SMCHD1: variants seen among roughly 807,000 people sequenced by gnomAD.
The protein encoded by SMCHD1 is structural maintenance of chromosomes flexible hinge domain-containing protein 1.
SMCHD1 carries 78 observed loss-of-function variants against 254.7 expected under a neutral mutation model. The observed-to-expected ratio is 0.31, with a 90% CI of 0.26 to 0.37. The LOEUF is 0.37. Among genes scored for constraint, SMCHD1 ranks in the 10% least tolerant of loss-of-function variants. The probability of loss-of-function intolerance (pLI) is 1.00; values close to 1 mark genes in which losing one functional copy is unlikely to be tolerated. For missense variants in SMCHD1, 1,840 were observed against 2,408.1 expected (o/e 0.76, Z 4.94); for synonymous variants, 766 against 794.9 (o/e 0.96, Z 0.61).
At position 2,709,393 on chromosome 18, in the gene SMCHD1, G is replaced by T. The variant is rs1317700418; in HGVS notation, c.2260+1473G>T. On this transcript the variant is annotated intron_variant, in intron 17 of 47. Transcript: ENST00000320876. ...AATAGTTCTTTGAGTCTCCGCTTTG[G>T]TTCCTTTTAGATACATTCCCAAAAG... 2.0e-5 allele frequency among the ~76,000 whole-genome samples: 3 copies of T among 151,958 alleles called. No homozygotes were observed. The East Asian group carries it at 5.8e-4, about 29-fold the overall frequency.
intron 40 of SMCHD1, 27 bp downstream of exon 40, chr18:2,771,645 A>AC: frequency 7.0e-7 from 1 of 1,426,308 alleles, no homozygotes; most frequent in Non-Finnish European, 9.4e-7. Flanking sequence ...TACGTGAAAG[A>AC]TTTTTTATTA....
At chr18:2,698,680 T>TCC (rs5822718) in intron 10 of SMCHD1, among the ~76,000 whole-genome samples, 1 of 151,204 alleles carries the variant, frequency 6.6e-6, no homozygotes, top group African/African-American at 2.4e-5. Context: ...CACCTTTTTT[T>TCC]CCCCCCCCAG....
intron 5 of SMCHD1, among the ~76,000 whole-genome samples, chr18:2,681,111 T>A (rs796382101): frequency 6.6e-6 from 1 of 151,916 alleles, no homozygotes; most frequent in Middle Eastern, 3.4e-3. Context: ...AAAAATATTT[T>A]AAAAAATTAG....
At chr18:2,671,265 A>C (rs1344519907) in intron 3 of SMCHD1, among the ~76,000 whole-genome samples, 1 of 152,098 alleles carries the variant, frequency 6.6e-6, no homozygotes, top group Admixed American at 6.5e-5. Flanking sequence ...TCCTGGGGAT[A>C]AATTGCTAAG....
chr18:2,688,679 A>C lies in SMCHD1; in HGVS notation c.805A>C (p.Lys269Gln). The change falls in exon 7 of 48, where the codon AAA becomes CAA. Residue 269 changes from lysine to glutamine, a missense_variant. Lys to Gln is a moderately conservative substitution (Grantham distance 53, BLOSUM62 1). This residue lies in a region of SMCHD1 where 498 missense variants were observed against 743.5 expected (regional missense o/e 0.67). Coordinates refer to ENST00000320876, the MANE Select transcript of SMCHD1 (RefSeq NM_015295.3). ...AGATGTTCACGAGCTTGTGCTTTCT[A>C]AAGAAGATTTTGAGAAGAAGGAGAA... ...SQDVHELVLSKEDFEKKEKNK... is the reference protein window; with the variant it reads ...SQDVHELVLSQEDFEKKEKNK... 6.4e-7 allele frequency: 1 copy of C among 1,555,920 alleles called. No individual in the cohort carries two copies. Among genetic ancestry groups the C allele is most frequent in the South Asian group, 1.2e-5 (1 of 84,896 alleles).
intron 16 of SMCHD1, 67 bp downstream of exon 16, chr18:2,707,712 A>T (rs767016807): frequency 6.8e-7 from 1 of 1,472,816 alleles, no homozygotes; most frequent in East Asian, 2.3e-5. Flanking sequence ...TCCAATATGT[A>T]AAAGGTCACG....
chr18:2,772,962 A>G (rs549911310), intron 41 of SMCHD1, among the ~76,000 whole-genome samples: 1 of 152,248 alleles, frequency 6.6e-6, no homozygotes, highest in Non-Finnish European at 1.5e-5. Flanking sequence ...TTTCTCATTT[A>G]TACATAAAGA....
At chr18:2,719,097 G>T (rs1386556684) in intron 19 of SMCHD1, among the ~76,000 whole-genome samples, 1 of 150,698 alleles carries the variant, frequency 6.6e-6, no homozygotes, top group Non-Finnish European at 1.5e-5. Context: ...TTTTTATCTA[G>T]TATCATCCAG....
chr18:2,765,713 G>A (rs548534311), intron 37 of SMCHD1, among the ~76,000 whole-genome samples: 2 of 152,170 alleles, frequency 1.3e-5, no homozygotes, highest in Non-Finnish European at 2.9e-5. Flanking sequence ...CCAGTCAGCC[G>A]CTTCCATGCC....
intron 1 of SMCHD1, among the ~76,000 whole-genome samples, chr18:2,661,293 T>C (rs958033452): frequency 5.3e-5 from 8 of 151,954 alleles, no homozygotes; most frequent in African/African-American, 1.9e-4. Flanking sequence ...CATGTATATC[T>C]ATGTAACAAA....
At chr18:2,715,878 A>G (rs1246852976) in intron 17 of SMCHD1, among the ~76,000 whole-genome samples, 1 of 152,116 alleles carries the variant, frequency 6.6e-6, no homozygotes, top group Non-Finnish European at 1.5e-5. Context: ...AGTATTTTGA[A>G]TTTTTTATTT....
chr18:2,729,502 T>C, intron 24 of SMCHD1, 93 bp downstream of exon 24: 1 of 921,996 alleles, frequency 1.1e-6, no homozygotes. Flanking sequence ...AATTGTTAAC[T>C]TCTGAAAATG....
intron 44 of SMCHD1, among the ~76,000 whole-genome samples, chr18:2,779,454 C>A (rs931801135): frequency 6.6e-6 from 1 of 152,142 alleles, no homozygotes; most frequent in African/African-American, 2.4e-5. Flanking sequence ...TCCAGGAGGG[C>A]AGTAGTTTAA....
Position 2,762,570 on chromosome 18 carries a change from T to C in SMCHD1, c.4566+334T>C, listed in dbSNP as rs1202840899. Among the ~76,000 whole-genome samples, 6 of 149,130 alleles carry C rather than the reference T, an allele frequency of 4.0e-5. No homozygotes were observed. In the East Asian group the frequency reaches 1.2e-3, roughly 30 times the overall value. On this transcript the variant is annotated intron_variant, in intron 36 of 47. Transcript: ENST00000320876. ...GTAGCATGGCACAATCATAGCTCAC[T>C]GCAACCTCAAGCAGTCCTCCCACCT...
At chr18:2,766,222 T>C (rs932266752) in intron 37 of SMCHD1, among the ~76,000 whole-genome samples, 1 of 152,214 alleles carries the variant, frequency 6.6e-6, no homozygotes, top group African/African-American at 2.4e-5. Flanking sequence ...CTCGATCTCC[T>C]GACCTTGTGA....
chr18:2,685,256 C>T (rs563680373), intron 5 of SMCHD1, among the ~76,000 whole-genome samples: 25 of 151,860 alleles, frequency 1.6e-4, no homozygotes, highest in Admixed American at 3.9e-4. Context: ...CCCGCCACCA[C>T]GCCCGGCTAA....
At chr18:2,762,614 G>A (rs1598416835) in intron 36 of SMCHD1, among the ~76,000 whole-genome samples, 2 of 151,572 alleles carry the variant, frequency 1.3e-5, no homozygotes, top group East Asian at 3.9e-4. Flanking sequence ...TGAGTAGCTG[G>A]GACCACAAGG....
intron 10 of SMCHD1, among the ~76,000 whole-genome samples, chr18:2,700,207 G>A (rs1301699230): frequency 6.6e-6 from 1 of 152,148 alleles, no homozygotes; most frequent in Non-Finnish European, 1.5e-5. Context: ...TTTAGATACG[G>A]GATTTAAGCT....
At position 2,766,485 on chromosome 18, in the gene SMCHD1, AG is replaced by A. The variant is rs912113660; in HGVS notation, c.4719+2697del. On this transcript the variant is annotated intron_variant, in intron 37 of 47. Transcript: ENST00000320876. ...TCTCACTGAATCAATAGAAAACTCAAGTCCTTCTTGGCTCCTGCCTCACATA... is the reference window on the plus strand; with the variant it reads ...TCTCACTGAATCAATAGAAAACTCAATCCTTCTTGGCTCCTGCCTCACATA... Among the ~76,000 whole-genome samples, 35 of 152,256 alleles carry A rather than the reference AG, an allele frequency of 2.3e-4. 2 individuals are homozygous for A. The highest frequency in any genetic ancestry group is 9.2e-4 in the Admixed American group (14 of 15,294).
Sources: gnomAD v4.1 joint callset for allele counts (sites outside exome capture counted in the v4.1 genomes callset) on GRCh38, gnomAD v4.1.1 for gene constraint, gnomAD v4.1.1 regional missense constraint, MANE v1.5 for transcripts, NCBI Gene and HGNC (gene_info 2026-07-23, HGNC 2026-07-21) for gene names.